RIT2: variants seen among roughly 807,000 people sequenced by gnomAD.
RIT2 encodes Ras like without CAAX 2, also known as GTP-binding protein Rit2.
Under a neutral mutation model 23.7 loss-of-function variants are expected in RIT2, and 24 were observed. That is an observed-to-expected ratio of 1.01 (90% CI 0.73 to 1.43). The LOEUF (loss-of-function observed/expected upper bound fraction) is 1.43. Among genes scored for constraint, RIT2 ranks in the 40% most tolerant of loss-of-function variants. The pLI, the probability that RIT2 is intolerant of heterozygous loss-of-function variation, is 0.00. For synonymous variants in RIT2, 107 were observed against 91.1 expected, an observed-to-expected ratio of 1.17 and a Z score of -0.99; for missense variants, 236 against 266.9, an observed-to-expected ratio of 0.88 and a Z score of 0.81.
intron 3 of RIT2, among the ~76,000 whole-genome samples, chr18:42,934,861 CA>C (rs1456689596): frequency 3.9e-5 from 6 of 152,112 alleles, no homozygotes; most frequent in Non-Finnish European, 8.8e-5. Context: ...TCTTGCCCCT[CA>C]AAGTGCAATT....
At chr18:42,943,904 T>C (rs981540922) in intron 3 of RIT2, among the ~76,000 whole-genome samples, 2 of 152,154 alleles carry the variant, frequency 1.3e-5, no homozygotes, top group African/African-American at 4.8e-5. Flanking sequence ...CTACCTTCAG[T>C]GTATCTCCAG....
chr18:42,867,470 T>A (rs1195323293), intron 4 of RIT2, among the ~76,000 whole-genome samples: 1 of 151,982 alleles, frequency 6.6e-6, no homozygotes, highest in Non-Finnish European at 1.5e-5. Context: ...AGGCAATCAA[T>A]ATCCTAAAAA....
At chr18:42,808,995 C>T (rs1307917127) in intron 4 of RIT2, among the ~76,000 whole-genome samples, 2 of 152,056 alleles carry the variant, frequency 1.3e-5, no homozygotes, top group East Asian at 1.9e-4. Context: ...AGAATGTACG[C>T]ACATTGGGTG....
chr18:42,836,164 C>G (rs1392280680), intron 4 of RIT2, among the ~76,000 whole-genome samples: 4 of 152,002 alleles, frequency 2.6e-5, no homozygotes, highest in African/African-American at 9.7e-5. Context: ...CCAAACCAAC[C>G]AATATTAAAT....
chr18:43,066,811 C>A (rs76529145), intron 1 of RIT2, among the ~76,000 whole-genome samples: 1 of 114,652 alleles, frequency 8.7e-6, no homozygotes, highest in Non-Finnish European at 2.1e-5. Flanking sequence ...TGAGGTGGAG[C>A]TTTTAAAGAA....
At chr18:43,083,419 C>T (rs1011151468) in intron 1 of RIT2, among the ~76,000 whole-genome samples, 1 of 152,076 alleles carries the variant, frequency 6.6e-6, no homozygotes, top group Admixed American at 6.6e-5. Context: ...CCCATATATC[C>T]AAGACAATCC....
At chr18:42,772,415 A>G (rs1359183394) in intron 4 of RIT2, among the ~76,000 whole-genome samples, 1 of 152,162 alleles carries the variant, frequency 6.6e-6, no homozygotes, top group Admixed American at 6.6e-5. Flanking sequence ...TTTATTAAGA[A>G]TTCCCTCAGC....
intron 1 of RIT2, among the ~76,000 whole-genome samples, chr18:43,103,435 A>C (rs1203231952): frequency 2.0e-5 from 3 of 152,236 alleles, no homozygotes; most frequent in Non-Finnish European, 4.4e-5. Flanking sequence ...TAACAAATTA[A>C]ATACAAATTC....
chr18:43,058,097 T>C (rs535777350), intron 1 of RIT2, among the ~76,000 whole-genome samples: 8 of 152,162 alleles, frequency 5.3e-5, no homozygotes, highest in Non-Finnish European at 7.4e-5. Context: ...AACTGAGTAG[T>C]AGTTTAGCAG....
chr18:43,100,617 C>T lies in RIT2; in HGVS notation c.103+14800G>A, dbSNP rs538669508. On this transcript the variant is annotated intron_variant, in intron 1 of 4. Coordinates refer to ENST00000326695, the MANE Select transcript of RIT2 (RefSeq NM_002930.4). ...GGATGGTAAGTTAGAATTCAATTCACAACTGAGTTTTGAAAAAAGGACACC... is the reference window on the plus strand; with the variant it reads ...GGATGGTAAGTTAGAATTCAATTCATAACTGAGTTTTGAAAAAAGGACACC... Among the ~76,000 whole-genome samples the T allele has an allele frequency of 2.0e-5, 3 of 152,154 alleles. No homozygotes were observed. The East Asian group carries it at 5.8e-4, about 29-fold the overall frequency.
intron 3 of RIT2, among the ~76,000 whole-genome samples, chr18:42,926,275 A>T (rs940815765): frequency 6.6e-6 from 1 of 151,968 alleles, no homozygotes; most frequent in Non-Finnish European, 1.5e-5. Context: ...TACAAATTGT[A>T]GAATTGAAAC....
intron 4 of RIT2, among the ~76,000 whole-genome samples, chr18:42,916,700 A>C (rs191846547): frequency 5.9e-5 from 9 of 152,214 alleles, no homozygotes; most frequent in Admixed American, 5.2e-4. Context: ...GTATTTATTG[A>C]GGCGCTACTC....
intron 4 of RIT2, among the ~76,000 whole-genome samples, chr18:42,796,076 C>T (rs149787100): frequency 0.068 from 10,357 of 152,132 alleles, 501 homozygotes; most frequent in Non-Finnish European, 0.1. Context: ...CCGCTCAGGT[C>T]CTCTTCCACA....
chr18:42,938,793 G>C (rs1158939751), intron 3 of RIT2, among the ~76,000 whole-genome samples: 1 of 152,076 alleles, frequency 6.6e-6, no homozygotes, highest in Non-Finnish European at 1.5e-5. Flanking sequence ...GGGTGGAGTA[G>C]AGTGACACAA....
At position 42,952,984 on chromosome 18, in the gene RIT2, T is replaced by C. The variant is rs117937795; in HGVS notation, c.234+21090A>G. On this transcript the variant is annotated intron_variant, in intron 3 of 4. Coordinates refer to ENST00000326695, the MANE Select transcript of RIT2 (RefSeq NM_002930.4). The stretch of plus-strand genomic sequence containing the variant: ...ACACTATACCATCCTTTCTCAGCTT[T>C]CCCAGAAAATCTACAGAATAAATCA... 3.2e-3 allele frequency among the ~76,000 whole-genome samples: 486 copies of C among 151,710 alleles called. 2 individuals are homozygous for C. The highest frequency in any genetic ancestry group is 6.8e-3 in the Middle Eastern group (2 of 294).
At chr18:42,825,450 G>T (rs1906269033) in intron 4 of RIT2, among the ~76,000 whole-genome samples, 1 of 151,620 alleles carries the variant, frequency 6.6e-6, no homozygotes, top group Non-Finnish European at 1.5e-5. Context: ...TTTTCTTAAA[G>T]GAATAATGCA....
intron 4 of RIT2, among the ~76,000 whole-genome samples, chr18:42,903,471 A>G (rs1469655516): frequency 6.6e-6 from 1 of 152,154 alleles, no homozygotes; most frequent in African/African-American, 2.4e-5. Flanking sequence ...ATATATATGT[A>G]TAGATACAGT....
At chr18:42,849,761 G>A (rs1405951910) in intron 4 of RIT2, among the ~76,000 whole-genome samples, 1 of 152,068 alleles carries the variant, frequency 6.6e-6, no homozygotes, top group Non-Finnish European at 1.5e-5. Flanking sequence ...AATAATGTAT[G>A]AATTAACTGT....
intron 4 of RIT2, among the ~76,000 whole-genome samples, chr18:42,903,296 A>C (rs1037491967): frequency 1.3e-5 from 2 of 152,096 alleles, no homozygotes; most frequent in Non-Finnish European, 2.9e-5. Flanking sequence ...AGATAGCTAC[A>C]CTTGTTTCTA....
Sources: gnomAD v4.1 joint callset for allele counts (sites outside exome capture counted in the v4.1 genomes callset) on GRCh38, gnomAD v4.1.1 for gene constraint, MANE v1.5 for transcripts, NCBI Gene and HGNC (gene_info 2026-07-23, HGNC 2026-07-21) for gene names.